DPH6: variants seen among roughly 807,000 people sequenced by gnomAD.
DPH6 encodes diphthamine biosynthesis 6.
DPH6 carries 33 observed loss-of-function variants against 38.2 expected under a neutral mutation model. The observed-to-expected ratio is 0.86, with a 90% CI of 0.65 to 1.15. The LOEUF is 1.15. Ranked by LOEUF, DPH6 falls within the 50% of genes most tolerant of loss-of-function variation. DPH6 has a pLI of 0.00. For missense variants in DPH6, 325 were observed against 320.0 expected, an observed-to-expected ratio of 1.02 and a Z score of -0.12; for synonymous variants, 108 against 103.0, an observed-to-expected ratio of 1.05 and a Z score of -0.30.
At chr15:35,178,375 G>C in the DPH6 span, among the ~76,000 whole-genome samples, 3 of 152,196 alleles carry the variant, frequency 2.0e-5, no homozygotes, top group African/African-American at 7.2e-5. Flanking sequence ...AAGGCAATGA[G>C]AAGCAAAGTC....
downstream of DPH6, among the ~76,000 whole-genome samples, chr15:35,367,072 C>T (rs1331816429): frequency 6.6e-6 from 1 of 151,680 alleles, no homozygotes; most frequent in African/African-American, 2.4e-5. Flanking sequence ...GGCTGTAAGA[C>T]TGATGATGTT....
intron 3 of DPH6, among the ~76,000 whole-genome samples, chr15:35,475,271 T>C (rs921573232): frequency 6.6e-6 from 1 of 152,074 alleles, no homozygotes; most frequent in East Asian, 1.9e-4. Context: ...GCTGATGTGA[T>C]TTTCTAGTTT....
intron 3 of DPH6, among the ~76,000 whole-genome samples, chr15:35,325,041 A>T (rs922851351): frequency 2.6e-5 from 4 of 152,220 alleles, no homozygotes; most frequent in African/African-American, 9.6e-5. Context: ...GAAAAAGTAC[A>T]GGAGTTTGTT....
chr15:35,286,750 T>G (rs2051946453), intron 3 of DPH6, among the ~76,000 whole-genome samples: 1 of 152,228 alleles, frequency 6.6e-6, no homozygotes, highest in African/African-American at 2.4e-5. Context: ...ACTGGTGAGA[T>G]GTATACTTAT....
intron 3 of DPH6, among the ~76,000 whole-genome samples, chr15:35,269,307 A>C (rs184229168): frequency 6.6e-6 from 1 of 152,196 alleles, no homozygotes; most frequent in African/African-American, 2.4e-5. Flanking sequence ...TCTTAGGACA[A>C]ACTATCTGAT....
intron 3 of DPH6, among the ~76,000 whole-genome samples, chr15:35,286,459 T>G (rs929531464): frequency 6.6e-6 from 1 of 152,150 alleles, no homozygotes; most frequent in African/African-American, 2.4e-5. Context: ...GGAAATAAAC[T>G]CTTGCACAGC....
intron 3 of DPH6, among the ~76,000 whole-genome samples, chr15:35,358,394 T>C (rs372740240): frequency 6.6e-6 from 1 of 152,206 alleles, no homozygotes; most frequent in Non-Finnish European, 1.5e-5. Context: ...ATCAGGGATT[T>C]CTTCTTCATT....
Position 35,371,806 on chromosome 15 carries a change from G to A in DPH6, c.*344C>T, listed in dbSNP as rs968187292. The A allele has an allele frequency of 9.8e-6, 10 of 1,018,216 alleles. No homozygotes were observed. Among genetic ancestry groups the A allele is most frequent in the Non-Finnish European group, 1.2e-5 (10 of 852,760 alleles). The allele number at this position is 1,018,216 out of a possible 1,614,324, so 63.1% of individuals were successfully genotyped here. On this transcript the variant is annotated 3_prime_UTR_variant, in exon 9 of 9. Transcript: ENST00000256538. ...ATCATGACATTATTGGTAGGGATTG[G>A]AGCAAGAAAGAGAGAAGGAGGAAAA...
rs58580024 is a variant in DPH6, at chr15:35,262,705, C to CAAAAAAAAAAAAAA, written n.201-42137_201-42124dup. ...TGCGAAACAGAGCAAGACTCCGTCT[C>CAAAAAAAAAAAAAA]AAAAAAAAAAAAAAAAAAAAAAAAA... On this transcript the variant is annotated intron_variant and non_coding_transcript_variant, in intron 3 of 3. Transcript: ENST00000560386. 2.9e-4 allele frequency among the ~76,000 whole-genome samples: 24 copies of CAAAAAAAAAAAAAA among 82,624 alleles called. 1 individual carries two copies. The highest frequency in any genetic ancestry group is 1.3e-3 in the African/African-American group (21 of 15,716). The allele number at this position is 82,624 out of a possible 152,430, so 54.2% of individuals were successfully genotyped here.
At chr15:35,236,563 T>C (rs1423479340) in intron 3 of DPH6, among the ~76,000 whole-genome samples, 1 of 150,310 alleles carries the variant, frequency 6.7e-6, no homozygotes, top group East Asian at 2.0e-4. Flanking sequence ...GGTGTGAACC[T>C]GGGAGGTGGA....
chr15:35,319,846 A>C (rs1238935593), intron 3 of DPH6, among the ~76,000 whole-genome samples: 1 of 152,064 alleles, frequency 6.6e-6, no homozygotes, highest in East Asian at 1.9e-4. Context: ...ATACAAGAAC[A>C]GTAAGAAATT....
intron 3 of DPH6, among the ~76,000 whole-genome samples, chr15:35,473,957 T>TGTGTGTGTGC (rs1480867662): frequency 5.7e-4 from 22 of 38,534 alleles, no homozygotes; most frequent in South Asian, 4.6e-3. Context: ...TGTGTGTGTG[T>TGTGTGTGTGC]GCGCGCGCGC....
At chr15:35,261,956 T>C (rs2051749936) in intron 3 of DPH6, among the ~76,000 whole-genome samples, 1 of 152,218 alleles carries the variant, frequency 6.6e-6, no homozygotes, top group South Asian at 2.1e-4. Context: ...GAGAAGTAAC[T>C]ACTACATATA....
intron 5 of DPH6, among the ~76,000 whole-genome samples, chr15:35,424,525 T>A (rs1052526817): frequency 2.6e-5 from 4 of 151,652 alleles, no homozygotes; most frequent in Non-Finnish European, 4.4e-5. Flanking sequence ...CTTTCTTCTT[T>A]CTAATTTGAA....
At chr15:35,165,329 G>A in the DPH6 span, among the ~76,000 whole-genome samples, 2 of 151,784 alleles carry the variant, frequency 1.3e-5, no homozygotes, top group East Asian at 3.9e-4. Context: ...CTTATTATAT[G>A]GTTCACTTTG....
intron 3 of DPH6, among the ~76,000 whole-genome samples, chr15:35,235,662 A>C (rs952700348): frequency 6.6e-6 from 1 of 152,208 alleles, no homozygotes; most frequent in Non-Finnish European, 1.5e-5. Flanking sequence ...CAAAATATAC[A>C]CTGTTTTAAA....
chr15:35,271,513 A>T (rs986723949), intron 3 of DPH6, among the ~76,000 whole-genome samples: 3 of 152,252 alleles, frequency 2.0e-5, no homozygotes, highest in African/African-American at 7.2e-5. Flanking sequence ...AAGACCAGTA[A>T]GCACCAATAG....
chr15:35,457,016 G>T (rs1009074505), intron 3 of DPH6, among the ~76,000 whole-genome samples: 2 of 151,720 alleles, frequency 1.3e-5, no homozygotes, highest in African/African-American at 4.8e-5. Flanking sequence ...TGCTGCCCAG[G>T]CTGGAGTGCA....
At chr15:35,496,567 A>AAAAAAAATATATATATATATATATAT in intron 3 of DPH6, among the ~76,000 whole-genome samples, 16 of 31,004 alleles carry the variant, frequency 5.2e-4, no homozygotes, top group Non-Finnish European at 4.7e-4. Flanking sequence ...AAAAAAAAAA[A>AAAAAAAATATATATATATATATATAT]ATATATATAT....
Sources: gnomAD v4.1 joint callset for allele counts (sites outside exome capture counted in the v4.1 genomes callset) on GRCh38, gnomAD v4.1.1 for gene constraint, MANE v1.5 for transcripts, NCBI Gene and HGNC (gene_info 2026-07-23, HGNC 2026-07-21) for gene names.